The following DTD1 variants were observed in gnomAD, a reference collection of about 807,000 sequenced individuals.
DTD1 encodes D-tyrosyl-tRNA deacylase 1 homolog.
DTD1 carries 13 observed loss-of-function variants against 25.6 expected under a neutral mutation model. That is an observed-to-expected ratio of 0.51 (90% CI 0.33 to 0.81). The LOEUF is 0.81. Ranked by LOEUF, DTD1 falls within the 30% of genes least tolerant of loss-of-function variation. DTD1 has a pLI of 0.02. For missense variants in DTD1, 193 were observed against 266.4 expected (o/e 0.72, Z 1.92); for synonymous variants, 110 against 103.6 (o/e 1.06, Z -0.37).
intron 4 of DTD1, among the ~76,000 whole-genome samples, chr20:18,689,077 C>A (rs1242855681): frequency 6.6e-6 from 1 of 152,150 alleles, no homozygotes; most frequent in African/African-American, 2.4e-5. Flanking sequence ...AAGTTTAATG[C>A]GTGGACCGTA....
intron 4 of DTD1, among the ~76,000 whole-genome samples, chr20:18,703,705 T>A (rs1166577234): frequency 4.7e-5 from 7 of 148,756 alleles, no homozygotes; most frequent in African/African-American, 1.7e-4. Context: ...TTTATCATAA[T>A]TTCTGCTTTT....
intron 4 of DTD1, among the ~76,000 whole-genome samples, chr20:18,684,533 A>G (rs1250567536): frequency 1.3e-5 from 2 of 151,996 alleles, no homozygotes; most frequent in Non-Finnish European, 2.9e-5. Flanking sequence ...GTTTTCCACC[A>G]GCGTAGGCCT....
intron 4 of DTD1, among the ~76,000 whole-genome samples, chr20:18,699,353 A>G (rs1478920525): frequency 6.6e-6 from 1 of 152,176 alleles, no homozygotes; most frequent in Non-Finnish European, 1.5e-5. Flanking sequence ...GAAATGGGTC[A>G]GCAGTAGGAA....
chr20:18,613,810 T>C (rs1181243355), intron 3 of DTD1, among the ~76,000 whole-genome samples: 1 of 152,208 alleles, frequency 6.6e-6, no homozygotes, highest in Non-Finnish European at 1.5e-5. Context: ...AGGTCATTTG[T>C]TGATTCTTCT....
At chr20:18,756,980 C>T (rs1001270579) in intron 5 of DTD1, among the ~76,000 whole-genome samples, 97 of 148,046 alleles carry the variant, frequency 6.6e-4, no homozygotes, top group African/African-American at 2.2e-3. Flanking sequence ...TGAAGAGGTC[C>T]TTCACATCCC....
chr20:18,591,291 A>T (rs1171504688), intron 1 of DTD1, among the ~76,000 whole-genome samples: 1 of 152,234 alleles, frequency 6.6e-6, no homozygotes, highest in Non-Finnish European at 1.5e-5. Flanking sequence ...ATTCTTTGAC[A>T]GTGATTCTAG....
At chr20:18,624,592 G>A (rs2060749834) in intron 3 of DTD1, among the ~76,000 whole-genome samples, 1 of 152,132 alleles carries the variant, frequency 6.6e-6, no homozygotes, top group African/African-American at 2.4e-5. Context: ...TGTCATACAG[G>A]TGTCCTTGTA....
chr20:18,600,668 T>C (rs2060630161), intron 3 of DTD1, among the ~76,000 whole-genome samples: 2 of 152,202 alleles, frequency 1.3e-5, no homozygotes, highest in African/African-American at 4.8e-5. Flanking sequence ...TGGGATTGCA[T>C]TGAGTCTGTA....
At chr20:18,748,047 A>T (rs1281200721) in intron 5 of DTD1, among the ~76,000 whole-genome samples, 1 of 151,866 alleles carries the variant, frequency 6.6e-6, no homozygotes. Flanking sequence ...AACAAAACAA[A>T]ACAAAAAAAC....
At chr20:18,690,435 G>T (rs943525147) in intron 4 of DTD1, among the ~76,000 whole-genome samples, 1 of 152,096 alleles carries the variant, frequency 6.6e-6, no homozygotes, top group Non-Finnish European at 1.5e-5. Flanking sequence ...ATGCCAAGAG[G>T]GTATTTCCTA....
At chr20:18,744,833 G>C (rs1600219884) in intron 5 of DTD1, among the ~76,000 whole-genome samples, 3 of 152,054 alleles carry the variant, frequency 2.0e-5, no homozygotes, top group Non-Finnish European at 4.4e-5. Context: ...AATTATGGGA[G>C]CTACAATTCA....
rs181924103 is a variant in DTD1 at position 18,704,985 on chromosome 20, C to T, written c.478-39115C>T. On this transcript the variant is annotated intron_variant, in intron 4 of 5. Transcript: ENST00000377452. The stretch of plus-strand genomic sequence containing the variant: ...GGTAGATTATCTGACCTTTGCTGTC[C>T]AGTAGCATGGCCACTAACCACAAGT... Among the ~76,000 whole-genome samples, 15 of 152,298 alleles carry T rather than the reference C, an allele frequency of 9.8e-5. No individual in the cohort carries two copies. The East Asian group carries it at 2.9e-3, about 29-fold the overall frequency.
At chr20:18,750,518 A>G (rs891420370) in intron 5 of DTD1, among the ~76,000 whole-genome samples, 1 of 152,222 alleles carries the variant, frequency 6.6e-6, no homozygotes, top group Non-Finnish European at 1.5e-5. Context: ...ATTGAATGAG[A>G]AACTGCATGA....
chr20:18,686,686 T>TGC (rs1021898842), intron 4 of DTD1, among the ~76,000 whole-genome samples: 8 of 151,004 alleles, frequency 5.3e-5, no homozygotes, highest in Non-Finnish European at 1.2e-4. Flanking sequence ...GGTGTGTGTG[T>TGC]GCATGTGCAT....
At chr20:18,628,701 G>A (rs1289506310) in intron 4 of DTD1, among the ~76,000 whole-genome samples, 1 of 152,164 alleles carries the variant, frequency 6.6e-6, no homozygotes, top group African/African-American at 2.4e-5. Context: ...CAATTTGTAA[G>A]CTCTCATGAA....
intron 4 of DTD1, among the ~76,000 whole-genome samples, chr20:18,673,032 G>A (rs924826121): frequency 2.0e-5 from 3 of 152,154 alleles, no homozygotes; most frequent in East Asian, 1.9e-4. Context: ...CATAACAAGC[G>A]CTCAGTAACT....
At chr20:18,619,539 C>A (rs34636488) in intron 3 of DTD1, among the ~76,000 whole-genome samples, 47,742 of 151,948 alleles carry the variant, frequency 0.31, 8,201 homozygotes, top group South Asian at 0.42. Context: ...ATTCTCCTGC[C>A]TCAGTCTCCC....
chr20:18,741,725 T>C (rs73601844), intron 4 of DTD1, among the ~76,000 whole-genome samples: 1 of 151,942 alleles, frequency 6.6e-6, no homozygotes, highest in African/African-American at 2.4e-5. Context: ...TTTTTTTTAA[T>C]TAAAAAAAAT....
At chr20:18,588,673 G>T (rs2060576239) in intron 1 of DTD1, 2 of 964,494 alleles carry the variant, frequency 2.1e-6, no homozygotes, top group Admixed American at 1.2e-4. Context: ...CTGGATGAGG[G>T]GCGCCCCCTG....
Sources: allele counts gnomAD v4.1 joint callset (sites outside exome capture counted in the v4.1 genomes callset), GRCh38; gene constraint gnomAD v4.1.1; transcripts MANE v1.5; gene names NCBI Gene and HGNC (gene_info 2026-07-23, HGNC 2026-07-21).